Variants in HS3ST3A1 observed in about 807,000 individuals in gnomAD.
HS3ST3A1 encodes the protein heparan sulfate-glucosamine 3-sulfotransferase 3A1.
A neutral mutation model predicts 25.7 loss-of-function variants in HS3ST3A1; 19 were observed. That is an observed-to-expected ratio of 0.74 (90% CI 0.52 to 1.08). HS3ST3A1 has a LOEUF of 1.08. HS3ST3A1 is among the 50% of genes least tolerant of loss of function. The pLI, the probability that HS3ST3A1 is intolerant of heterozygous loss-of-function variation, is 0.00. For synonymous variants in HS3ST3A1, 226 were observed against 278.6 expected, an observed-to-expected ratio of 0.81 and a Z score of 1.88; for missense variants, 459 against 594.3, an observed-to-expected ratio of 0.77 and a Z score of 2.37.
chr17:13,586,695 G>A (rs902774500), intron 1 of HS3ST3A1, among the ~76,000 whole-genome samples: 1 of 149,968 alleles, frequency 6.7e-6, no homozygotes, highest in Non-Finnish European at 1.5e-5. Context: ...GTGAAACCCC[G>A]TCTCTACTAA....
At chr17:13,583,205 T>C (rs570364553) in intron 1 of HS3ST3A1, among the ~76,000 whole-genome samples, 3 of 152,294 alleles carry the variant, frequency 2.0e-5, no homozygotes, top group South Asian at 2.1e-4. Flanking sequence ...CTAAGAAAAT[T>C]TGAAACTGCC....
intron 1 of HS3ST3A1, among the ~76,000 whole-genome samples, chr17:13,499,976 G>A (rs1460650978): frequency 6.6e-6 from 1 of 152,096 alleles, no homozygotes; most frequent in Non-Finnish European, 1.5e-5. Flanking sequence ...GTAGAAAATG[G>A]TTGCTTTGTA....
intron 1 of HS3ST3A1, among the ~76,000 whole-genome samples, chr17:13,512,221 C>G (rs1234869375): frequency 6.7e-6 from 1 of 148,250 alleles, no homozygotes; most frequent in African/African-American, 2.5e-5. Flanking sequence ...ATGGCGTGAA[C>G]CCGGGAAGCG....
At chr17:13,529,337 G>A (rs550512449) in intron 1 of HS3ST3A1, among the ~76,000 whole-genome samples, 33 of 152,180 alleles carry the variant, frequency 2.2e-4, no homozygotes, top group Non-Finnish European at 4.0e-4. Context: ...TTATTCAAGA[G>A]AAGAAAAAGA....
intron 1 of HS3ST3A1, among the ~76,000 whole-genome samples, chr17:13,575,919 G>C (rs1039154911): frequency 2.0e-5 from 3 of 152,192 alleles, no homozygotes; most frequent in African/African-American, 4.8e-5. Flanking sequence ...AGCAGATAAA[G>C]GTCTTGTCGC....
In HS3ST3A1 at chr17:13,494,370, G is replaced by A. The variant is rs1255281883; in HGVS notation, c.*1827C>T. Among the ~76,000 whole-genome samples the A allele has an allele frequency of 6.6e-6, 1 of 152,152 alleles. No individual in the cohort carries two copies. The highest frequency in any genetic ancestry group is 2.4e-5 in the African/African-American group (1 of 41,430). On this transcript the variant is annotated 3_prime_UTR_variant, in exon 2 of 2. Transcript: ENST00000284110. ...TATTAACAGATAAATCCAAAGATTT[G>A]GAGCAATGACAAAATATCTAACACT...
intron 1 of HS3ST3A1, among the ~76,000 whole-genome samples, chr17:13,550,171 T>C (rs560822023): frequency 6.6e-6 from 1 of 152,306 alleles, no homozygotes; most frequent in African/African-American, 2.4e-5. Context: ...TTTTGTTTTG[T>C]TTTGTTTTAA....
intron 1 of HS3ST3A1, among the ~76,000 whole-genome samples, chr17:13,544,578 T>C (rs1053401989): frequency 6.6e-6 from 1 of 152,186 alleles, no homozygotes; most frequent in Non-Finnish European, 1.5e-5. Flanking sequence ...TATCTGGCTC[T>C]CATTGCTGCA....
At chr17:13,596,158 A>C (rs1391286293) in intron 1 of HS3ST3A1, among the ~76,000 whole-genome samples, 1 of 152,168 alleles carries the variant, frequency 6.6e-6, no homozygotes, top group African/African-American at 2.4e-5. Flanking sequence ...ATAAAGTATA[A>C]GAGCGTATTA....
At chr17:13,573,196 C>A (rs867151852) in intron 1 of HS3ST3A1, among the ~76,000 whole-genome samples, 2 of 152,242 alleles carry the variant, frequency 1.3e-5, no homozygotes, top group Admixed American at 6.5e-5. Context: ...TTACAGTTGC[C>A]CTAGATCTCA....
intron 1 of HS3ST3A1, among the ~76,000 whole-genome samples, chr17:13,520,796 G>A (rs1388082998): frequency 6.6e-6 from 1 of 152,010 alleles, no homozygotes; most frequent in Non-Finnish European, 1.5e-5. Context: ...ATTTTTAGTA[G>A]AGATGGAATT....
Position 13,580,848 on chromosome 17 carries a change from G to A in HS3ST3A1, c.599+19683C>T, listed in dbSNP as rs570699987. Among the ~76,000 whole-genome samples the A allele has an allele frequency of 4.6e-5, 7 of 152,184 alleles. No individual in the cohort carries two copies. The East Asian group carries it at 9.7e-4, about 21-fold the overall frequency. The stretch of plus-strand genomic sequence containing the variant: ...GGAGGTTGTCGTGAGCCGAGATCAC[G>A]CCATTGCACTCCAGCCTGGGCAACA... On this transcript the variant is annotated intron_variant, in intron 1 of 1. Coordinates refer to ENST00000284110, the MANE Select transcript of HS3ST3A1 (RefSeq NM_006042.3).
At chr17:13,560,048 G>C (rs1455367832) in intron 1 of HS3ST3A1, among the ~76,000 whole-genome samples, 4 of 151,624 alleles carry the variant, frequency 2.6e-5, no homozygotes, top group Non-Finnish European at 5.9e-5. Context: ...ACAGCACTTT[G>C]GGAGGCCGAG....
Position 13,601,329 on chromosome 17 carries a change from C to A in HS3ST3A1, c.-200G>T, listed in dbSNP as rs1041925591. The A allele has an allele frequency of 2.0e-6, 1 of 501,900 alleles. No individual in the cohort carries two copies. The highest frequency in any genetic ancestry group is 3.4e-6 in the Non-Finnish European group (1 of 290,288). The allele number at this position is 501,900 out of a possible 1,614,324, so 31.1% of individuals were successfully genotyped here. Reference sequence around the variant, plus strand: ...GAATCCCGGGGGCCCCGCGCAGGATCCCTGCCTCCAGTCGAGGGAGCGGGA... The same window carrying A: ...GAATCCCGGGGGCCCCGCGCAGGATACCTGCCTCCAGTCGAGGGAGCGGGA... On this transcript the variant is annotated 5_prime_UTR_variant, in exon 1 of 2. Coordinates refer to ENST00000284110, the MANE Select transcript of HS3ST3A1 (RefSeq NM_006042.3).
intron 1 of HS3ST3A1, among the ~76,000 whole-genome samples, chr17:13,542,440 G>A (rs1229025667): frequency 1.3e-5 from 2 of 152,072 alleles, no homozygotes; most frequent in East Asian, 3.9e-4. Flanking sequence ...TGTCTGCACA[G>A]AGGAAAGGTT....
intron 1 of HS3ST3A1, among the ~76,000 whole-genome samples, chr17:13,562,722 C>T (rs1907580513): frequency 6.6e-6 from 1 of 152,158 alleles, no homozygotes; most frequent in African/African-American, 2.4e-5. Context: ...GCAAACGTTT[C>T]CACTGGGCCA....
chr17:13,504,363 AAC>A (rs1905586952), intron 1 of HS3ST3A1, among the ~76,000 whole-genome samples: 1 of 151,618 alleles, frequency 6.6e-6, no homozygotes, highest in Non-Finnish European at 1.5e-5. Context: ...AATGCTAACA[AAC>A]ACAGCCAGTC....
chr17:13,547,212 T>C (rs1217964332), intron 1 of HS3ST3A1, among the ~76,000 whole-genome samples: 1 of 152,134 alleles, frequency 6.6e-6, no homozygotes, highest in African/African-American at 2.4e-5. Flanking sequence ...AGTCCTGTGA[T>C]CATTAAAAAA....
intron 1 of HS3ST3A1, among the ~76,000 whole-genome samples, chr17:13,533,179 T>C (rs904674477): frequency 6.6e-6 from 1 of 152,130 alleles, no homozygotes; most frequent in Non-Finnish European, 1.5e-5. Flanking sequence ...TTAATATATA[T>C]AGTCAAGTTA....
Sources: gnomAD v4.1 joint callset for allele counts (sites outside exome capture counted in the v4.1 genomes callset) on GRCh38, gnomAD v4.1.1 for gene constraint, MANE v1.5 for transcripts, NCBI Gene and HGNC (gene_info 2026-07-23, HGNC 2026-07-21) for gene names.